The following SPINK1 variants were observed in gnomAD, a reference collection of about 807,000 sequenced individuals.
The protein encoded by SPINK1 is serine peptidase inhibitor Kazal type 1, also known as serine protease inhibitor Kazal-type 1.
Under a neutral mutation model 9.5 loss-of-function variants are expected in SPINK1, and 5 were observed. The observed-to-expected ratio is 0.52, with a 90% CI of 0.27 to 1.10. The LOEUF (loss-of-function observed/expected upper bound fraction) is 1.10. SPINK1 is among the 50% of genes least tolerant of loss of function. SPINK1 has a pLI of 0.11. For synonymous variants in SPINK1, 37 were observed against 32.3 expected (o/e 1.14, Z -0.49); for missense variants, 88 against 92.7 (o/e 0.95, Z 0.21).
upstream of SPINK1, among the ~76,000 whole-genome samples, chr5:147,836,296 T>TTGTGTG (rs58122057): frequency 0.016 from 2,303 of 146,520 alleles, 22 homozygotes; most frequent in African/African-American, 0.027. Context: ...ATTTACTGAT[T>TTGTGTG]TGTGTGTGTG....
chr5:147,832,380 TG>T (rs1231352581), upstream of SPINK1, among the ~76,000 whole-genome samples: 1 of 152,218 alleles, frequency 6.6e-6, no homozygotes, highest in Non-Finnish European at 1.5e-5. Context: ...TCTCATGTTT[TG>T]GTGTGTCTTA....
At chr5:147,835,635 T>C (rs975094192), upstream of SPINK1, among the ~76,000 whole-genome samples, 1 of 152,158 alleles carries the variant, frequency 6.6e-6, no homozygotes, top group Non-Finnish European at 1.5e-5. Context: ...ATTATTCACC[T>C]GAGTAAAGAG....
At chr5:147,829,408 G>A (rs1336635455) in intron 2 of SPINK1, among the ~76,000 whole-genome samples, 191 bp downstream of exon 2, 2 of 152,148 alleles carry the variant, frequency 1.3e-5, no homozygotes, top group African/African-American at 2.4e-5. Flanking sequence ...TTATACATCA[G>A]TGAAATTGTC....
chr5:147,839,007 A>G, the SPINK1 span, among the ~76,000 whole-genome samples: 1 of 152,092 alleles, frequency 6.6e-6, no homozygotes, highest in Non-Finnish European at 1.5e-5. Flanking sequence ...TTCCCCTAAC[A>G]TAGTCACTGG....
chr5:147,824,728 AT>A (rs529126011), intron 3 of SPINK1, 22 bp from the exon 4 acceptor site: 9 of 1,611,820 alleles, frequency 5.6e-6, no homozygotes, highest in South Asian at 4.4e-5. Context: ...ATTAAAAAAA[AT>A]ATATCAGCTT....
chr5:147,836,614 T>C (rs182995588), upstream of SPINK1, among the ~76,000 whole-genome samples: 16 of 152,298 alleles, frequency 1.1e-4, no homozygotes, highest in East Asian at 3.1e-3. Flanking sequence ...CTTCTAAGCA[T>C]TTGTGGGCAT....
the SPINK1 span, among the ~76,000 whole-genome samples, chr5:147,837,710 T>TTTCTTTCA: frequency 6.8e-6 from 1 of 146,822 alleles, no homozygotes; most frequent in African/African-American, 2.5e-5. Context: ...TCTTTCTTTC[T>TTTCTTTCA]TTCTTTTTTG....
upstream of SPINK1, among the ~76,000 whole-genome samples, chr5:147,833,856 T>C (rs1756550481): frequency 6.6e-6 from 1 of 152,190 alleles, no homozygotes; most frequent in Non-Finnish European, 1.5e-5. Context: ...TCTATCTTTA[T>C]TCCCCAAGAG....
At chr5:147,831,829 C>CAGGAAAAT, upstream of SPINK1, 2 of 1,369,100 alleles carry the variant, frequency 1.5e-6, no homozygotes, top group South Asian at 3.1e-5. Context: ...AAGATTCTGT[C>CAGGAAAAT]AGGAAAATAG....
At chr5:147,827,323 A>G (rs1011884660) in intron 3 of SPINK1, 1 of 152,460 alleles carries the variant, frequency 6.6e-6, no homozygotes, top group African/African-American at 2.4e-5. Flanking sequence ...GAGCCACTGC[A>G]CCCGGCTGGC....
chr5:147,837,791 T>A, the SPINK1 span, among the ~76,000 whole-genome samples: 2 of 151,772 alleles, frequency 1.3e-5, no homozygotes, highest in African/African-American at 4.8e-5. Flanking sequence ...AACCTCTGTC[T>A]TCCGGGTTCA....
chr5:147,826,743 G>T (rs1207727442), intron 3 of SPINK1, among the ~76,000 whole-genome samples: 2 of 151,966 alleles, frequency 1.3e-5, no homozygotes, highest in South Asian at 2.1e-4. Context: ...TAATGTTTTG[G>T]GTCTAAAACT....
intron 1 of SPINK1, among the ~76,000 whole-genome samples, chr5:147,830,214 A>G (rs569472566): frequency 2.0e-5 from 3 of 152,224 alleles, no homozygotes; most frequent in Non-Finnish European, 2.9e-5. Flanking sequence ...CCAAAGAGCT[A>G]TTTCCAACAA....
At chr5:147,835,193 G>A (rs1321709007), upstream of SPINK1, among the ~76,000 whole-genome samples, 1 of 152,054 alleles carries the variant, frequency 6.6e-6, no homozygotes, top group Non-Finnish European at 1.5e-5. Flanking sequence ...ACATGAGTGG[G>A]CAAAACAGTT....
At chr5:147,838,501 T>A in the SPINK1 span, among the ~76,000 whole-genome samples, 1 of 152,202 alleles carries the variant, frequency 6.6e-6, no homozygotes, top group Non-Finnish European at 1.5e-5. Flanking sequence ...CCAATTCATA[T>A]GATCTTTTTT....
chr5:147,836,465 C>G (rs1261276389), upstream of SPINK1, among the ~76,000 whole-genome samples: 1 of 152,074 alleles, frequency 6.6e-6, no homozygotes, highest in Non-Finnish European at 1.5e-5. Context: ...TGTTACAGCA[C>G]TTTAAACTGG....
intron 3 of SPINK1, chr5:147,826,974 A>G (rs1279009035): frequency 1.3e-5 from 2 of 152,132 alleles, no homozygotes; most frequent in African/African-American, 4.8e-5. Flanking sequence ...CACTCGTGGA[A>G]TCCCTTTTAT....
At chr5:147,837,255 A>C in the SPINK1 span, among the ~76,000 whole-genome samples, 3 of 152,242 alleles carry the variant, frequency 2.0e-5, no homozygotes, top group Non-Finnish European at 4.4e-5. Context: ...TGTAGAGAAA[A>C]TAATTATCCT....
chr5:147,829,485 G>A (rs556692656), intron 2 of SPINK1, 114 bp downstream of exon 2: 35 of 948,280 alleles, frequency 3.7e-5, no homozygotes, highest in Admixed American at 3.1e-4. Flanking sequence ...ACCCTCCCTA[G>A]CATTCATACT....
Sources: allele counts gnomAD v4.1 joint callset (sites outside exome capture counted in the v4.1 genomes callset), GRCh38; gene constraint gnomAD v4.1.1; transcripts MANE v1.5; gene names NCBI Gene and HGNC (gene_info 2026-07-23, HGNC 2026-07-21).